DLG2: variants seen among roughly 807,000 people sequenced by gnomAD.
The protein encoded by DLG2 is disks large homolog 2.
In DLG2, 45 loss-of-function variants were observed where a neutral mutation model predicts 132.5. The observed-to-expected ratio is 0.34, with a 90% confidence interval of 0.27 to 0.44. The LOEUF is 0.44. Among genes scored for constraint, DLG2 ranks in the 20% least tolerant of loss-of-function variants. The pLI is 1.00. For missense variants in DLG2, 1,045 were observed against 1,196.9 expected, an observed-to-expected ratio of 0.87 and a Z score of 1.87; for synonymous variants, 424 against 419.6, an observed-to-expected ratio of 1.01 and a Z score of -0.13.
chr11:83,843,039 C>G (rs2057948420), intron 16 of DLG2, among the ~76,000 whole-genome samples: 1 of 152,156 alleles, frequency 6.6e-6, no homozygotes, highest in Non-Finnish European at 1.5e-5. Context: ...ATGTTTCTCT[C>G]TTGCTCAAAA....
intron 18 of DLG2, among the ~76,000 whole-genome samples, chr11:83,758,617 C>T (rs1395765632): frequency 1.3e-5 from 2 of 151,936 alleles, no homozygotes; most frequent in East Asian, 3.9e-4. Context: ...TAATGTGTAC[C>T]ATAAAGAGAA....
At chr11:85,419,895 G>A (rs540150038) in intron 3 of DLG2, among the ~76,000 whole-genome samples, 6 of 152,282 alleles carry the variant, frequency 3.9e-5, no homozygotes, top group Admixed American at 3.9e-4. Context: ...TTAGCTAGGA[G>A]GAGTTTGTTA....
chr11:84,056,151 C>A (rs1183457814), intron 11 of DLG2, among the ~76,000 whole-genome samples: 1 of 151,886 alleles, frequency 6.6e-6, no homozygotes, highest in Non-Finnish European at 1.5e-5. Flanking sequence ...TGGTTTGCTG[C>A]ACCTATCAAC....
chr11:84,667,628 C>G (rs940614426), intron 6 of DLG2, among the ~76,000 whole-genome samples: 1 of 151,482 alleles, frequency 6.6e-6, no homozygotes, highest in African/African-American at 2.4e-5. Context: ...TCCTGAGTAG[C>G]TGGAAATACA....
intron 7 of DLG2, among the ~76,000 whole-genome samples, chr11:84,380,511 G>A (rs1430257271): frequency 2.0e-5 from 3 of 151,906 alleles, no homozygotes; most frequent in African/African-American, 7.2e-5. Flanking sequence ...TAACACAGGA[G>A]TTAAAGAAGA....
At chr11:83,582,368 CTT>C (rs2096995413) in intron 19 of DLG2, among the ~76,000 whole-genome samples, 1 of 152,168 alleles carries the variant, frequency 6.6e-6, no homozygotes. Flanking sequence ...AGACTCTAGA[CTT>C]TTCCAATTCA....
chr11:85,251,467 A>AGTAT (rs2076391549), intron 4 of DLG2, among the ~76,000 whole-genome samples: 1 of 152,196 alleles, frequency 6.6e-6, no homozygotes, highest in African/African-American at 2.4e-5. Flanking sequence ...ATAAACTGTA[A>AGTAT]GTATGTCTCT....
chr11:83,771,051 G>A (rs938860886), intron 18 of DLG2, among the ~76,000 whole-genome samples: 2 of 152,104 alleles, frequency 1.3e-5, no homozygotes, highest in African/African-American at 2.4e-5. Flanking sequence ...ACGTCCTTCT[G>A]TCTCCCACAC....
intron 3 of DLG2, among the ~76,000 whole-genome samples, chr11:85,573,671 C>A (rs926039609): frequency 6.6e-6 from 1 of 152,150 alleles, no homozygotes; most frequent in Admixed American, 6.5e-5. Context: ...ACTTATATCC[C>A]CCCAATAAAT....
intron 18 of DLG2, among the ~76,000 whole-genome samples, chr11:83,709,231 C>G (rs759418513): frequency 5.1e-4 from 75 of 147,226 alleles, no homozygotes; most frequent in Non-Finnish European, 8.7e-4. Context: ...AAATTTTACA[C>G]TGTGTGTGTG....
chr11:84,906,047 C>T (rs1233937114), intron 6 of DLG2, among the ~76,000 whole-genome samples: 3 of 152,006 alleles, frequency 2.0e-5, no homozygotes, highest in Non-Finnish European at 4.4e-5. Context: ...GCAAATTCAG[C>T]ACAAATAATT....
intron 5 of DLG2, among the ~76,000 whole-genome samples, chr11:85,140,178 A>G (rs1340018943): frequency 6.6e-6 from 1 of 151,986 alleles, no homozygotes; most frequent in Non-Finnish European, 1.5e-5. Context: ...GTATATGCCC[A>G]GAAGAGGAAT....
rs1287344533 is a variant in DLG2 at position 85,498,827 on chromosome 11, C to A, written c.40+99830G>T. Among the ~76,000 whole-genome samples the A allele has an allele frequency of 3.3e-5, 5 of 152,086 alleles. No homozygotes were observed. The South Asian group carries it at 8.3e-4, about 25-fold the overall frequency. On this transcript the variant is annotated intron_variant, in intron 3 of 27. Transcript: ENST00000376104. ...GCACAACTACATGGAAACTGAACAA[C>A]CTGCTCCAGAATGACTACTGGGTAA...
chr11:84,093,046 A>T (rs919274668), intron 10 of DLG2, among the ~76,000 whole-genome samples: 9 of 151,894 alleles, frequency 5.9e-5, no homozygotes, highest in Admixed American at 1.3e-4. Context: ...AAAAAAAAAA[A>T]AAAAGAAAGA....
At chr11:84,536,504 T>C (rs760077779) in intron 6 of DLG2, among the ~76,000 whole-genome samples, 31 of 152,352 alleles carry the variant, frequency 2.0e-4, no homozygotes, top group Middle Eastern at 3.4e-3. Flanking sequence ...TCTAACCTTA[T>C]GAATAATTTG....
At chr11:84,855,948 T>C (rs761511217) in intron 6 of DLG2, among the ~76,000 whole-genome samples, 10 of 152,008 alleles carry the variant, frequency 6.6e-5, no homozygotes, top group Non-Finnish European at 1.2e-4. Flanking sequence ...CTAGCGATCA[T>C]CTATCAGGTC....
chr11:85,085,766 C>A (rs539799646), intron 6 of DLG2, among the ~76,000 whole-genome samples: 1 of 152,238 alleles, frequency 6.6e-6, no homozygotes, highest in African/African-American at 2.4e-5. Flanking sequence ...CAAGGTCACA[C>A]AGCTAACAGG....
chr11:83,794,437 G>GTTTTTTTTTT (rs200672667), intron 17 of DLG2, among the ~76,000 whole-genome samples: 6 of 127,488 alleles, frequency 4.7e-5, no homozygotes, highest in East Asian at 2.4e-4. Flanking sequence ...TTTACTATTG[G>GTTTTTTTTTT]TTTTTTTTTT....
At chr11:83,872,106 A>G (rs1565432407) in intron 16 of DLG2, among the ~76,000 whole-genome samples, 1 of 152,172 alleles carries the variant, frequency 6.6e-6, no homozygotes, top group Non-Finnish European at 1.5e-5. Flanking sequence ...TCTACTAAAA[A>G]TACAAAAAGT....
Sources: allele counts gnomAD v4.1 joint callset (sites outside exome capture counted in the v4.1 genomes callset), GRCh38; gene constraint gnomAD v4.1.1; transcripts MANE v1.5; gene names NCBI Gene and HGNC (gene_info 2026-07-23, HGNC 2026-07-21).